Variants in KCNH7 observed in about 807,000 individuals in gnomAD.
KCNH7 encodes voltage-gated inwardly rectifying potassium channel KCNH7.
In KCNH7, 49 loss-of-function variants were observed where a neutral mutation model predicts 120.8. The observed-to-expected ratio is 0.41, with a 90% CI of 0.32 to 0.51. The LOEUF is 0.51. Ranked by LOEUF, KCNH7 falls within the 20% of genes least tolerant of loss-of-function variation. The pLI is 0.38. For synonymous variants in KCNH7, 547 were observed against 516.1 expected, an observed-to-expected ratio of 1.06 and a Z score of -0.81; for missense variants, 1,097 against 1,446.6, an observed-to-expected ratio of 0.76 and a Z score of 3.92.
chr2:162,807,256 C>CAAAAAAAAAAAAAAA (rs745345993), intron 2 of KCNH7, among the ~76,000 whole-genome samples: 15 of 15,612 alleles, frequency 9.6e-4, no homozygotes, highest in South Asian at 4.5e-3. Context: ...ACTAAAAATA[C>CAAAAAAAAAAAAAAA]AAAAAAAAAA....
chr2:162,394,339 G>T, intron 12 of KCNH7, 50 bp downstream of exon 12: 1 of 1,028,128 alleles, frequency 9.7e-7, no homozygotes, highest in Non-Finnish European at 1.5e-6. Context: ...AAGTAAGAAG[G>T]CTAATTACCA....
At chr2:162,836,509 G>T in intron 2 of KCNH7, 28 bp downstream of exon 2, 1 of 1,565,512 alleles carries the variant, frequency 6.4e-7, no homozygotes, top group Non-Finnish European at 8.8e-7. Context: ...GGATCAAATA[G>T]AAGGAATCCT....
intron 2 of KCNH7, among the ~76,000 whole-genome samples, chr2:162,769,939 T>G (rs1003025217): frequency 3.9e-5 from 6 of 152,064 alleles, no homozygotes; most frequent in Admixed American, 2.6e-4. Flanking sequence ...TTTTAACCCT[T>G]TGGGATTTTT....
intron 6 of KCNH7, among the ~76,000 whole-genome samples, chr2:162,447,367 C>A (rs1032921768): frequency 1.0e-3 from 154 of 151,926 alleles, no homozygotes; most frequent in Non-Finnish European, 1.7e-3. Context: ...AAAGTCAAAA[C>A]AAAAAGGTTA....
chr2:162,511,767 TAC>T (rs1193502709), intron 5 of KCNH7, among the ~76,000 whole-genome samples: 3 of 151,650 alleles, frequency 2.0e-5, no homozygotes, highest in African/African-American at 4.8e-5. Context: ...ACCAGTGACA[TAC>T]AGGAGAGAGT....
intron 2 of KCNH7, among the ~76,000 whole-genome samples, chr2:162,676,840 C>T (rs1288804960): frequency 6.6e-6 from 1 of 151,410 alleles, no homozygotes; most frequent in African/African-American, 2.4e-5. Flanking sequence ...TAGAATCATA[C>T]TCACTTTCTT....
intron 2 of KCNH7, among the ~76,000 whole-genome samples, chr2:162,741,557 T>A (rs1219882491): frequency 6.6e-6 from 1 of 152,086 alleles, no homozygotes; most frequent in Non-Finnish European, 1.5e-5. Flanking sequence ...ACCAGCATGC[T>A]CATAAATTTT....
intron 2 of KCNH7, among the ~76,000 whole-genome samples, chr2:162,550,169 G>A (rs1692620621): frequency 6.6e-6 from 1 of 152,096 alleles, no homozygotes; most frequent in African/African-American, 2.4e-5. Context: ...CCTAACTTAA[G>A]GGAAAATAAT....
intron 2 of KCNH7, among the ~76,000 whole-genome samples, chr2:162,692,360 G>C (rs542693785): frequency 3.9e-4 from 59 of 152,064 alleles, no homozygotes; most frequent in Admixed American, 2.6e-3. Context: ...CCCACCACGA[G>C]TACAATGAAT....
intron 2 of KCNH7, among the ~76,000 whole-genome samples, chr2:162,588,394 C>G (rs1470654676): frequency 6.6e-6 from 1 of 151,970 alleles, no homozygotes; most frequent in Non-Finnish European, 1.5e-5. Flanking sequence ...TAATTTTTTA[C>G]TATTAACTGA....
At position 162,394,501 on chromosome 2, in the gene KCNH7, A is replaced by G; in HGVS notation, c.2614-16T>C. The G allele has an allele frequency of 7.1e-7, 1 of 1,414,056 alleles. No homozygotes were observed. Among genetic ancestry groups the G allele is most frequent in the Non-Finnish European group, 1.0e-6 (1 of 1,002,588 alleles). 87.6% of individuals were successfully genotyped at this position (1,414,056 alleles called of 1,614,324 possible). ...GGAGATCAGCCTTTGTTAATGGAAC[A>G]TGAAGATAAAATGAAAGATTACTGA... On this transcript the variant is annotated splice_polypyrimidine_tract_variant and intron_variant, in intron 11 of 15. Transcript: ENST00000332142.
intron 7 of KCNH7, among the ~76,000 whole-genome samples, chr2:162,435,823 A>T (rs1328335862): frequency 1.3e-5 from 2 of 152,092 alleles, no homozygotes; most frequent in Admixed American, 6.6e-5. Flanking sequence ...GGCATGCAAG[A>T]CATGGGGCAC....
chr2:162,553,635 C>T (rs1417709168), intron 2 of KCNH7, among the ~76,000 whole-genome samples: 1 of 151,488 alleles, frequency 6.6e-6, no homozygotes, highest in Non-Finnish European at 1.5e-5. Context: ...GGCAACAGAG[C>T]GAGACTGTCT....
chr2:162,496,060 G>A (rs963273788), intron 6 of KCNH7, among the ~76,000 whole-genome samples: 3 of 152,082 alleles, frequency 2.0e-5, no homozygotes, highest in Non-Finnish European at 4.4e-5. Context: ...ACTTCAAATG[G>A]CGATGCAAAT....
chr2:162,551,889 T>C (rs969077773), intron 2 of KCNH7, among the ~76,000 whole-genome samples: 6 of 152,078 alleles, frequency 3.9e-5, no homozygotes, highest in African/African-American at 1.2e-4. Flanking sequence ...GTATTGGTGA[T>C]AAATTGTGAG....
intron 12 of KCNH7, among the ~76,000 whole-genome samples, chr2:162,393,808 A>G (rs1686817984): frequency 6.6e-6 from 1 of 151,960 alleles, no homozygotes; most frequent in African/African-American, 2.4e-5. Context: ...GGGCGTGTCT[A>G]TCTCCCTCTC....
chr2:162,754,242 T>A (rs1272850569), intron 2 of KCNH7, among the ~76,000 whole-genome samples: 3 of 151,360 alleles, frequency 2.0e-5, no homozygotes, highest in Admixed American at 2.0e-4. Flanking sequence ...CTACAATAGA[T>A]CAAGAGGCAG....
intron 2 of KCNH7, among the ~76,000 whole-genome samples, chr2:162,564,861 A>C (rs2105886676): frequency 1.3e-5 from 2 of 152,254 alleles, no homozygotes; most frequent in Admixed American, 1.3e-4. Flanking sequence ...CATTTCATGA[A>C]CTTGGAAAAT....
At chr2:162,637,790 G>T (rs548785254) in intron 2 of KCNH7, among the ~76,000 whole-genome samples, 10 of 152,016 alleles carry the variant, frequency 6.6e-5, no homozygotes, top group African/African-American at 2.4e-4. Context: ...AGAAGAGATT[G>T]TTGTGATTTA....
Sources: allele counts gnomAD v4.1 joint callset (sites outside exome capture counted in the v4.1 genomes callset), GRCh38; gene constraint gnomAD v4.1.1; transcripts MANE v1.5; gene names NCBI Gene and HGNC (gene_info 2026-07-23, HGNC 2026-07-21).